Variants in SLC44A1 observed in about 807,000 individuals in gnomAD.
SLC44A1 encodes the protein solute carrier family 44 member 1, also known as choline transporter-like protein 1.
In SLC44A1, 26 loss-of-function variants were observed where a neutral mutation model predicts 79.3. That is an observed-to-expected ratio of 0.33 (90% confidence interval 0.24 to 0.46). The LOEUF (loss-of-function observed/expected upper bound fraction) is 0.46, where lower values mean the gene tolerates loss of function less well. Among genes scored for constraint, SLC44A1 ranks in the 20% least tolerant of loss-of-function variants. The pLI is 1.00. For missense variants in SLC44A1, 688 were observed against 798.1 expected, an observed-to-expected ratio of 0.86 and a Z score of 1.66; for synonymous variants, 263 against 286.2, an observed-to-expected ratio of 0.92 and a Z score of 0.82.
At chr9:105,398,491 A>G (rs961788198), downstream of SLC44A1, among the ~76,000 whole-genome samples, 2 of 152,192 alleles carry the variant, frequency 1.3e-5, no homozygotes, top group Non-Finnish European at 2.9e-5. Context: ...TTTCTATTAT[A>G]TAGACCACCT....
rs1484561149 is a variant in SLC44A1, at chr9:105,395,421, G to A, written c.*6365G>A. Reference sequence around the variant, plus strand: ...TTTAGTAGAGACGGGGTTTCACCACGTTGGCCAGGCCAATCTCGAACTCCT... The same window carrying A: ...TTTAGTAGAGACGGGGTTTCACCACATTGGCCAGGCCAATCTCGAACTCCT... On this transcript the variant is annotated 3_prime_UTR_variant, in exon 16 of 16. Coordinates refer to ENST00000374720, the MANE Select transcript of SLC44A1 (RefSeq NM_080546.5). The A allele has an allele frequency of 8.4e-6, 4 of 478,126 alleles. No homozygotes were observed. Among genetic ancestry groups the A allele is most frequent in the Admixed American group, 1.3e-4 (2 of 15,640 alleles). The allele number at this position is 478,126 out of a possible 1,614,324, so 29.6% of individuals were successfully genotyped here. A position where few individuals can be genotyped will look rare whatever the true frequency, so the allele number is the denominator to read the frequency against.
chr9:105,426,227 G>C (rs894452475), intron 15 of SLC44A1, among the ~76,000 whole-genome samples: 3 of 152,120 alleles, frequency 2.0e-5, no homozygotes, highest in Non-Finnish European at 2.9e-5. Flanking sequence ...AATTCCACTA[G>C]GTGGCAATGG....
At position 105,393,384 on chromosome 9, in the gene SLC44A1, C is replaced by A. The variant is rs1448993251; in HGVS notation, c.*4328C>A. 29 of 984,990 alleles carry A rather than the reference C, an allele frequency of 2.9e-5. No individual in the cohort carries two copies. Among genetic ancestry groups the A allele is most frequent in the Non-Finnish European group, 3.4e-5 (28 of 829,718 alleles). 61.0% of individuals were successfully genotyped at this position (984,990 alleles called of 1,614,324 possible). A position where few individuals can be genotyped will look rare whatever the true frequency, so the allele number is the denominator to read the frequency against. ...ATGCCAAGAGAAAATCTAAAGCTAG[C>A]AAACTTAAAAAACAAAACAAAAATT... On this transcript the variant is annotated 3_prime_UTR_variant, in exon 16 of 16. Transcript: ENST00000374720.
chr9:105,293,241 A>T (rs1830644817), intron 1 of SLC44A1, among the ~76,000 whole-genome samples: 1 of 152,238 alleles, frequency 6.6e-6, no homozygotes, highest in African/African-American at 2.4e-5. Context: ...ATTATTTTAA[A>T]ACCTGGTGTA....
chr9:105,428,559 C>T (rs925522201), intron 15 of SLC44A1, among the ~76,000 whole-genome samples: 2 of 152,238 alleles, frequency 1.3e-5, no homozygotes, highest in African/African-American at 4.8e-5. Context: ...TCAGTTTCCC[C>T]ATCTGTAAAA....
rs573302731 is a variant in SLC44A1 at position 105,395,364 on chromosome 9, A to G, written c.*6308A>G. 4 of 336,108 alleles carry G rather than the reference A, an allele frequency of 1.2e-5. No homozygotes were observed. The highest frequency in any genetic ancestry group is 1.2e-4 in the South Asian group (1 of 8,412). The allele number at this position is 336,108 out of a possible 1,614,324, so 20.8% of individuals were successfully genotyped here. A position where few individuals can be genotyped will look rare whatever the true frequency, so the allele number is the denominator to read the frequency against. ...CTCCTGAGTAGCTGGGACCACAGGC[A>G]TGTGCCACCACACCCAGCTAATTTT... On this transcript the variant is annotated 3_prime_UTR_variant, in exon 16 of 16. Transcript: ENST00000374720.
rs531392927 is a variant in SLC44A1 at position 105,353,678 on chromosome 9, C to G, written c.501-2534C>G. ...GAAAAAGAAAACAGGAAGGCAGGGCCGAGAAAAATAGTGGGTACTGAAAAC... is the reference window on the plus strand; with the variant it reads ...GAAAAAGAAAACAGGAAGGCAGGGCGGAGAAAAATAGTGGGTACTGAAAAC... On this transcript the variant is annotated intron_variant, in intron 5 of 15. Transcript: ENST00000374720. Among the ~76,000 whole-genome samples, 19 of 151,962 alleles carry G rather than the reference C, an allele frequency of 1.3e-4. No individual in the cohort carries two copies. The South Asian group carries it at 4.0e-3, about 32-fold the overall frequency.
chr9:105,312,899 G>A (rs150132925), intron 3 of SLC44A1, among the ~76,000 whole-genome samples: 119 of 152,120 alleles, frequency 7.8e-4, no homozygotes, highest in Non-Finnish European at 1.4e-3. Flanking sequence ...TTAAAATAGG[G>A]CTCTTATGTT....
intron 1 of SLC44A1, among the ~76,000 whole-genome samples, chr9:105,291,048 T>C (rs1830591289): frequency 3.3e-5 from 5 of 152,202 alleles, no homozygotes; most frequent in Admixed American, 3.3e-4. Flanking sequence ...ACAGGCAATG[T>C]CTTTCAAAAT....
intron 2 of SLC44A1, among the ~76,000 whole-genome samples, chr9:105,305,558 C>T (rs934966667): frequency 1.2e-4 from 18 of 151,978 alleles, no homozygotes; most frequent in African/African-American, 4.1e-4. Flanking sequence ...TGATGAGATA[C>T]GGGCTTTATA....
Position 105,393,042 on chromosome 9 carries a change from T to G in SLC44A1, c.*3986T>G, listed in dbSNP as rs1224849468. ...GCCACAGTTAATTTCTGTATTCTTT[T>G]CATACATTCCATCTGACACATACGA... is the stretch of plus-strand genomic sequence containing the variant. On this transcript the variant is annotated 3_prime_UTR_variant, in exon 16 of 16. Coordinates refer to ENST00000374720, the MANE Select transcript of SLC44A1 (RefSeq NM_080546.5). 6.1e-6 allele frequency: 6 copies of G among 985,212 alleles called. No individual in the cohort carries two copies. Among genetic ancestry groups the G allele is most frequent in the Non-Finnish European group, 7.2e-6 (6 of 829,810 alleles). 61.0% of individuals were successfully genotyped at this position (985,212 alleles called of 1,614,324 possible).
At chr9:105,403,196 A>G (rs947129369) in intron 15 of SLC44A1, among the ~76,000 whole-genome samples, 1 of 152,134 alleles carries the variant, frequency 6.6e-6, no homozygotes, top group Admixed American at 6.6e-5. Flanking sequence ...CTCTGGGACT[A>G]ATATGGTCAC....
intron 15 of SLC44A1, among the ~76,000 whole-genome samples, chr9:105,433,706 C>T (rs1829428908): frequency 1.4e-5 from 2 of 146,892 alleles, no homozygotes; most frequent in South Asian, 4.4e-4. Context: ...AAGCAGGAAA[C>T]TGAAAAATAT....
chr9:105,341,882 C>T (rs1827102710), intron 4 of SLC44A1, among the ~76,000 whole-genome samples: 1 of 152,142 alleles, frequency 6.6e-6, no homozygotes, highest in Admixed American at 6.5e-5. Context: ...ATTTATCTCC[C>T]TTATACATAC....
chr9:105,420,892 A>G (rs1406607002), intron 15 of SLC44A1, among the ~76,000 whole-genome samples: 22 of 143,836 alleles, frequency 1.5e-4, no homozygotes, highest in East Asian at 2.0e-4. Flanking sequence ...AAAAAAAAGG[A>G]TGGTCTAGAT....
intron 1 of SLC44A1, among the ~76,000 whole-genome samples, chr9:105,250,616 T>A (rs748477012): frequency 1.3e-5 from 2 of 152,224 alleles, no homozygotes; most frequent in East Asian, 1.9e-4. Context: ...TGTAGAGATA[T>A]GAAGTAGACT....
intron 3 of SLC44A1, among the ~76,000 whole-genome samples, chr9:105,314,867 A>G (rs1384463051): frequency 6.6e-6 from 1 of 152,258 alleles, no homozygotes; most frequent in East Asian, 1.9e-4. Flanking sequence ...AAGATACTCA[A>G]AGTTTAAAAT....
In SLC44A1 at chr9:105,366,352, G is replaced by T. The variant is rs763323034; in HGVS notation, c.1417G>T (p.Ala473Ser). The change falls in exon 12 of 16, where the codon GCT becomes TCT. Residue 473 changes from alanine to serine, a missense_variant. Coordinates refer to ENST00000374720, the MANE Select transcript of SLC44A1 (RefSeq NM_080546.5). ...CCATTTTTCCCCCATCCAGGAAAAT[G>T]CTTGTGCACGATGTGTGCTGAAATC... ...IHSQLKGKEN[A>S]CARCVLKSCI... 1.4e-5 allele frequency: 21 copies of T among 1,483,210 alleles called. No homozygotes were observed. The highest frequency in any genetic ancestry group is 1.8e-5 in the Non-Finnish European group (20 of 1,115,252). 91.9% of individuals were successfully genotyped at this position (1,483,210 alleles called of 1,614,324 possible). A position where few individuals can be genotyped will look rare whatever the true frequency, so the allele number is the denominator to read the frequency against.
intron 1 of SLC44A1, among the ~76,000 whole-genome samples, chr9:105,277,223 G>T (rs904177620): frequency 3.3e-5 from 5 of 152,238 alleles, no homozygotes; most frequent in African/African-American, 9.6e-5. Flanking sequence ...TGTTGGTGGA[G>T]CAGGTTGTGT....
Sources: allele counts gnomAD v4.1 joint callset (sites outside exome capture counted in the v4.1 genomes callset), GRCh38; gene constraint gnomAD v4.1.1; transcripts MANE v1.5; gene names NCBI Gene and HGNC (gene_info 2026-07-23, HGNC 2026-07-21).